The following CACNA2D3 variants were observed in gnomAD, a reference collection of about 807,000 sequenced individuals.
The protein encoded by CACNA2D3 is voltage-dependent calcium channel subunit alpha-2/delta-3.
In CACNA2D3, 60 loss-of-function variants were observed where a neutral mutation model predicts 160.6. The ratio of observed to expected loss-of-function variants is 0.37; its 90% CI spans 0.30 to 0.46. The LOEUF is 0.46. CACNA2D3 is among the 20% of genes least tolerant of loss of function. The pLI, the probability that CACNA2D3 is intolerant of heterozygous loss-of-function variation, is 1.00. For synonymous variants in CACNA2D3, 558 were observed against 492.9 expected (o/e 1.13, Z -1.75); for missense variants, 1,205 against 1,365.0 (o/e 0.88, Z 1.85).
At chr3:54,460,217 A>G (rs1418478999) in intron 4 of CACNA2D3, among the ~76,000 whole-genome samples, 2 of 151,996 alleles carry the variant, frequency 1.3e-5, no homozygotes, top group Admixed American at 6.6e-5. Flanking sequence ...TGATGCCTCC[A>G]GCTTTGTTCT....
chr3:54,548,256 T>A (rs1480537951), intron 5 of CACNA2D3, among the ~76,000 whole-genome samples: 1 of 152,258 alleles, frequency 6.6e-6, no homozygotes, highest in African/African-American at 2.4e-5. Context: ...ACTCTTTATT[T>A]TCATCTAAAT....
At chr3:54,444,862 A>G (rs946415721) in intron 4 of CACNA2D3, among the ~76,000 whole-genome samples, 2 of 152,256 alleles carry the variant, frequency 1.3e-5, no homozygotes, top group African/African-American at 2.4e-5. Context: ...TCCTTTTACT[A>G]TTGCTTTAGA....
chr3:54,390,949 A>G (rs1699268861), intron 4 of CACNA2D3, among the ~76,000 whole-genome samples: 1 of 152,126 alleles, frequency 6.6e-6, no homozygotes, highest in African/African-American at 2.4e-5. Flanking sequence ...CTGAGAAGGA[A>G]CCTACCCTAT....
intron 27 of CACNA2D3, among the ~76,000 whole-genome samples, chr3:54,937,092 T>C (rs1701346933): frequency 6.6e-6 from 1 of 152,194 alleles, no homozygotes; most frequent in East Asian, 1.9e-4. Flanking sequence ...GGTGTTTCTC[T>C]ATTTTTGGTG....
chr3:54,141,331 A>G (rs572609292), intron 2 of CACNA2D3, among the ~76,000 whole-genome samples: 17 of 152,194 alleles, frequency 1.1e-4, no homozygotes, highest in African/African-American at 3.6e-4. Flanking sequence ...TTAGTAAGGG[A>G]AAGTGTTTCC....
intron 8 of CACNA2D3, among the ~76,000 whole-genome samples, chr3:54,577,154 C>CGGTTCATTGCT (rs1469242867): frequency 2.0e-5 from 3 of 152,216 alleles, no homozygotes; most frequent in Non-Finnish European, 4.4e-5. Flanking sequence ...TGTCACTCTA[C>CGGTTCATTGCT]AATGATGGTC....
chr3:54,346,361 G>T (rs953224403), intron 3 of CACNA2D3, among the ~76,000 whole-genome samples: 6 of 152,192 alleles, frequency 3.9e-5, no homozygotes, highest in African/African-American at 1.4e-4. Flanking sequence ...CCACGAGAAT[G>T]ACATGGAATT....
chr3:54,292,562 G>C (rs891398224), intron 2 of CACNA2D3, among the ~76,000 whole-genome samples: 12 of 151,942 alleles, frequency 7.9e-5, no homozygotes, highest in African/African-American at 2.9e-4. Context: ...TGGCCAATAA[G>C]TACATGAAAA....
chr3:54,669,948 C>G (rs1186060509), intron 11 of CACNA2D3, among the ~76,000 whole-genome samples: 2 of 151,972 alleles, frequency 1.3e-5, no homozygotes, highest in Non-Finnish European at 2.9e-5. Context: ...TGCACCCATC[C>G]TGGTGACTGG....
At chr3:54,797,504 G>A (rs1440539839) in intron 13 of CACNA2D3, among the ~76,000 whole-genome samples, 1 of 152,170 alleles carries the variant, frequency 6.6e-6, no homozygotes, top group Non-Finnish European at 1.5e-5. Flanking sequence ...TCTGAGGACA[G>A]CATTTAAAGT....
chr3:54,141,944 A>G (rs1006874013), intron 2 of CACNA2D3, among the ~76,000 whole-genome samples: 8 of 152,214 alleles, frequency 5.3e-5, no homozygotes, highest in African/African-American at 1.4e-4. Context: ...GGAGATTACA[A>G]TCTAATGTGA....
chr3:54,773,102 T>C (rs1702349339), intron 13 of CACNA2D3, among the ~76,000 whole-genome samples: 1 of 152,234 alleles, frequency 6.6e-6, no homozygotes, highest in Non-Finnish European at 1.5e-5. Context: ...TTCAAACCAA[T>C]TTAGTTGCAT....
intron 3 of CACNA2D3, among the ~76,000 whole-genome samples, chr3:54,322,272 A>T (rs1465719513): frequency 6.6e-6 from 1 of 152,208 alleles, no homozygotes; most frequent in African/African-American, 2.4e-5. Flanking sequence ...CCAAGGTGGG[A>T]GACCAGTGAG....
chr3:54,624,635 AAG>A (rs1699057358), intron 9 of CACNA2D3, among the ~76,000 whole-genome samples: 1 of 151,876 alleles, frequency 6.6e-6, no homozygotes, highest in African/African-American at 2.4e-5. Flanking sequence ...CAAGAAAAAA[AAG>A]AAAAAAATGC....
intron 11 of CACNA2D3, among the ~76,000 whole-genome samples, chr3:54,660,869 T>C (rs1046928458): frequency 6.6e-6 from 1 of 152,148 alleles, no homozygotes; most frequent in Non-Finnish European, 1.5e-5. Flanking sequence ...TCATTCCTAA[T>C]GTAAAAATAG....
intron 3 of CACNA2D3, among the ~76,000 whole-genome samples, chr3:54,337,130 AT>A (rs1704401823): frequency 6.6e-6 from 1 of 152,238 alleles, no homozygotes; most frequent in Non-Finnish European, 1.5e-5. Context: ...TGGTAGGCAG[AT>A]ACGGCAAATG....
intron 3 of CACNA2D3, among the ~76,000 whole-genome samples, chr3:54,374,480 A>T (rs1387499599): frequency 6.6e-6 from 1 of 152,230 alleles, no homozygotes; most frequent in Non-Finnish European, 1.5e-5. Context: ...GTCAGCAGGC[A>T]TTCTCCAACA....
At chr3:54,598,970 C>T (rs935504623) in intron 9 of CACNA2D3, among the ~76,000 whole-genome samples, 14 of 152,132 alleles carry the variant, frequency 9.2e-5, no homozygotes, top group African/African-American at 3.1e-4. Context: ...TCTGGTTTTA[C>T]ACTAAAATTG....
intron 4 of CACNA2D3, among the ~76,000 whole-genome samples, chr3:54,463,655 C>T (rs1395188696): frequency 6.6e-6 from 1 of 152,128 alleles, no homozygotes; most frequent in Admixed American, 6.5e-5. Context: ...ATTGGTTATT[C>T]TAGTTATACA....
Sources: allele counts gnomAD v4.1 joint callset (sites outside exome capture counted in the v4.1 genomes callset), GRCh38; gene constraint gnomAD v4.1.1; transcripts MANE v1.5; gene names NCBI Gene and HGNC (gene_info 2026-07-23, HGNC 2026-07-21).